The following HORMAD2 variants were observed in gnomAD, a reference collection of about 807,000 sequenced individuals.
The protein encoded by HORMAD2 is HORMA domain-containing protein 2.
In HORMAD2, 45 loss-of-function variants were observed where a neutral mutation model predicts 38.8. The ratio of observed to expected loss-of-function variants is 1.16; its 90% CI spans 0.91 to 1.49. The LOEUF is 1.49. Among genes scored for constraint, HORMAD2 ranks in the 40% most tolerant of loss-of-function variants. HORMAD2 has a pLI of 0.00. For synonymous variants in HORMAD2, 126 were observed against 122.8 expected (o/e 1.03, Z -0.17); for missense variants, 338 against 367.0 (o/e 0.92, Z 0.65).
intron 7 of HORMAD2, among the ~76,000 whole-genome samples, chr22:30,114,091 C>T (rs1921863930): frequency 6.6e-6 from 1 of 151,962 alleles, no homozygotes; most frequent in African/African-American, 2.4e-5. Context: ...AAATGCTAAG[C>T]AAGTTGAGTT....
At chr22:30,110,875 G>A (rs951085871) in intron 5 of HORMAD2, among the ~76,000 whole-genome samples, 4 of 151,774 alleles carry the variant, frequency 2.6e-5, no homozygotes, top group Non-Finnish European at 4.4e-5. Context: ...AATACAGGAC[G>A]GGGCCAGGGC....
At chr22:30,120,365 G>A (rs1922345096) in intron 8 of HORMAD2, among the ~76,000 whole-genome samples, 1 of 152,168 alleles carries the variant, frequency 6.6e-6, no homozygotes, top group Non-Finnish European at 1.5e-5. Flanking sequence ...ATTGGAAAAG[G>A]AGCTAATGTA....
chr22:30,115,826 T>G (rs1250449210), intron 7 of HORMAD2, among the ~76,000 whole-genome samples: 1 of 152,134 alleles, frequency 6.6e-6, no homozygotes, highest in African/African-American at 2.4e-5. Context: ...ATGGCTGTGT[T>G]AGATTGGGCA....
At chr22:30,121,518 A>G in intron 8 of HORMAD2, 114 bp from the exon 9 acceptor site, 1 of 822,132 alleles carries the variant, frequency 1.2e-6, no homozygotes, top group Non-Finnish European at 1.7e-6. Context: ...AAAAAGTCTC[A>G]AAATATACTA....
chr22:30,119,440 T>G (rs1177569972), intron 8 of HORMAD2, among the ~76,000 whole-genome samples: 1 of 152,210 alleles, frequency 6.6e-6, no homozygotes, highest in Non-Finnish European at 1.5e-5. Context: ...TTTGCCCGTA[T>G]GCACAAATAT....
At chr22:30,128,626 G>C (rs1923044420) in intron 10 of HORMAD2, among the ~76,000 whole-genome samples, 1 of 152,020 alleles carries the variant, frequency 6.6e-6, no homozygotes, top group Admixed American at 6.6e-5. Flanking sequence ...CATTTGTATG[G>C]CTCTCAAATG....
intron 3 of HORMAD2, among the ~76,000 whole-genome samples, chr22:30,100,180 A>G (rs1350042919): frequency 1.3e-5 from 2 of 152,224 alleles, no homozygotes; most frequent in African/African-American, 4.8e-5. Flanking sequence ...CCTGACTTCA[A>G]ATTATGCTAC....
In HORMAD2 at chr22:30,176,902, G is replaced by A. The variant is rs1254512531; in HGVS notation, c.*735G>A. ...TGGAAGAATTTGGATAGACTTAATT[G>A]ATGATTAGTATGAGATGAACAATAG... On this transcript the variant is annotated 3_prime_UTR_variant, in exon 11 of 11. Transcript: ENST00000336726. 2 of 152,734 alleles carry A rather than the reference G, an allele frequency of 1.3e-5. No homozygotes were observed. The highest frequency in any genetic ancestry group is 6.5e-5 in the Admixed American group (1 of 15,278). The allele number at this position is 152,734 out of a possible 1,614,324, so 9.5% of individuals were successfully genotyped here. A position where few individuals can be genotyped will look rare whatever the true frequency, so the allele number is the denominator to read the frequency against.
intron 10 of HORMAD2, among the ~76,000 whole-genome samples, chr22:30,163,754 A>G (rs1470328557): frequency 6.6e-6 from 1 of 151,880 alleles, no homozygotes. Flanking sequence ...TTTTATTTTT[A>G]TTTTTATTTT....
intron 10 of HORMAD2, among the ~76,000 whole-genome samples, chr22:30,162,507 C>T (rs9620954): frequency 0.1 from 15,449 of 151,950 alleles, 807 homozygotes; most frequent in Middle Eastern, 0.14. Flanking sequence ...TTTTAATATT[C>T]ACATATTAAA....
downstream of HORMAD2, among the ~76,000 whole-genome samples, chr22:30,181,434 T>C (rs1490240196): frequency 1.3e-5 from 2 of 152,114 alleles, no homozygotes; most frequent in African/African-American, 4.8e-5. Flanking sequence ...TCCCCACTCC[T>C]TTCCCTAAAT....
intron 10 of HORMAD2, among the ~76,000 whole-genome samples, chr22:30,167,342 G>A (rs879912764): frequency 4.6e-5 from 7 of 152,160 alleles, no homozygotes; most frequent in African/African-American, 9.7e-5. Context: ...GCCATGTAAG[G>A]TCACATTCAC....
At chr22:30,152,483 C>G (rs147955273) in intron 10 of HORMAD2, among the ~76,000 whole-genome samples, 3 of 151,750 alleles carry the variant, frequency 2.0e-5, no homozygotes, top group Non-Finnish European at 1.5e-5. Context: ...TGTACCACCA[C>G]GCATGACTAA....
chr22:30,106,958 A>G (rs1921248481), intron 5 of HORMAD2, among the ~76,000 whole-genome samples: 1 of 152,266 alleles, frequency 6.6e-6, no homozygotes, highest in African/African-American at 2.4e-5. Flanking sequence ...GACAAATTAT[A>G]AGAGATGCTC....
At chr22:30,204,288 T>G in the HORMAD2 span, among the ~76,000 whole-genome samples, 1 of 151,754 alleles carries the variant, frequency 6.6e-6, no homozygotes, top group Non-Finnish European at 1.5e-5. Context: ...GCCAGCACCC[T>G]GGAGTTGGAT....
At chr22:30,146,919 A>G (rs1365763235) in intron 10 of HORMAD2, among the ~76,000 whole-genome samples, 1 of 152,204 alleles carries the variant, frequency 6.6e-6, no homozygotes, top group Non-Finnish European at 1.5e-5. Context: ...ACTGGAAATG[A>G]AATTTCTAAA....
At chr22:30,143,705 G>A (rs1459516610) in intron 10 of HORMAD2, among the ~76,000 whole-genome samples, 1 of 152,036 alleles carries the variant, frequency 6.6e-6, no homozygotes, top group Non-Finnish European at 1.5e-5. Context: ...AGTCACCCTG[G>A]GATAATGATG....
chr22:30,175,203 A>AAT (rs1192914187), intron 10 of HORMAD2, among the ~76,000 whole-genome samples: 1 of 143,862 alleles, frequency 7.0e-6, no homozygotes, highest in African/African-American at 2.5e-5. Context: ...TCTTGCTTTA[A>AAT]ATATATATAT....
At chr22:30,121,909 G>C (rs1922467965) in intron 9 of HORMAD2, 55 bp from the exon 10 acceptor site, 1 of 1,571,642 alleles carries the variant, frequency 6.4e-7, no homozygotes, top group African/African-American at 1.4e-5. Flanking sequence ...AGATTAATCG[G>C]ATTTGTTGTA....
Sources: allele counts gnomAD v4.1 joint callset (sites outside exome capture counted in the v4.1 genomes callset), GRCh38; gene constraint gnomAD v4.1.1; transcripts MANE v1.5; gene names NCBI Gene and HGNC (gene_info 2026-07-23, HGNC 2026-07-21).